The following ABCA5 variants were observed in gnomAD, a reference collection of about 807,000 sequenced individuals.
ABCA5 encodes the protein ATP binding cassette subfamily A member 5, also known as cholesterol transporter ABCA5.
A neutral mutation model predicts 206.0 loss-of-function variants in ABCA5; 163 were observed. That is an observed-to-expected ratio of 0.79 (90% CI 0.70 to 0.90). The LOEUF (loss-of-function observed/expected upper bound fraction) is 0.90, where lower values mean the gene tolerates loss of function less well. Ranked by LOEUF, ABCA5 falls within the 40% of genes least tolerant of loss-of-function variation. The pLI is 0.00. For synonymous variants in ABCA5, 609 were observed against 613.8 expected, an observed-to-expected ratio of 0.99 and a Z score of 0.11; for missense variants, 1,859 against 1,912.9, an observed-to-expected ratio of 0.97 and a Z score of 0.53.
At chr17:69,309,445 T>A in intron 3 of ABCA5, 22 bp from the exon 4 acceptor site, 1 of 1,464,774 alleles carries the variant, frequency 6.8e-7, no homozygotes, top group Non-Finnish European at 9.2e-7. Context: ...CATAACAATA[T>A]AGTTAGCTCA....
intron 1 of ABCA5, among the ~76,000 whole-genome samples, chr17:69,322,206 C>T (rs777312292): frequency 7.8e-4 from 118 of 151,754 alleles, no homozygotes; most frequent in Non-Finnish European, 1.4e-3. Context: ...CCTGTCTCTA[C>T]TAAAAATACA....
In ABCA5 at chr17:69,256,251, AG is replaced by A; in HGVS notation, c.3763del (p.Leu1255PhefsTer19). On this transcript the variant is annotated frameshift_variant, in exon 29 of 39. Transcript: ENST00000392676. LOFTEE classifies it high-confidence loss of function. ...NLSTKSKNRK[L>X]PEPPDNEDED... ...ATCCTCATTGTCTGGTGGTTCTGGA[AG>A]CTTCCTATTTTTAGACTTCGTTGAA... The A allele has an allele frequency of 6.2e-7, 1 of 1,606,172 alleles. No individual in the cohort carries two copies. Among genetic ancestry groups the A allele is most frequent in the Non-Finnish European group, 8.5e-7 (1 of 1,175,638 alleles).
Position 69,290,026 on chromosome 17 carries a change from T to C in ABCA5, c.1618A>G (p.Ile540Val). ...ATTTCTGAGACTCTGTGTCCATATA[T>C]AGATGCAAACCCTAAAAGCAAAATA... ...LCPPSDGFAS[I>V]YGHRVSEIDE... Residue 540 changes from isoleucine to valine, a missense_variant, in exon 13 of 39, where the codon ATA becomes GTA. Physicochemically the swap from Ile to Val is conservative, Grantham distance 29 (BLOSUM62 3). Transcript: ENST00000392676. 6.3e-7 allele frequency: 1 copy of C among 1,591,010 alleles called. No homozygotes were observed. The highest frequency in any genetic ancestry group is 2.3e-5 in the East Asian group (1 of 44,314).
chr17:69,298,067 T>A (rs554188814), intron 9 of ABCA5, among the ~76,000 whole-genome samples: 80 of 152,078 alleles, frequency 5.3e-4, no homozygotes, highest in African/African-American at 1.9e-3. Context: ...ATGCCTGTAG[T>A]CCCAGCTACC....
Position 69,322,363 on chromosome 17 carries a change from C to CAAAAAAAAAAA in ABCA5, c.-16+4678_-16+4688dup, listed in dbSNP as rs3029978. On this transcript the variant is annotated intron_variant, in intron 1 of 38. Transcript: ENST00000392676. ...CTGGCAACAGAGCAAGATTCCGTCTCAAAAAAAAAAAAAAAAAAAAAAAAG... is the reference window on the plus strand; with the variant it reads ...CTGGCAACAGAGCAAGATTCCGTCTCAAAAAAAAAAAAAAAAAAAAAAAAAAAAAAAAAAAG... Among the ~76,000 whole-genome samples the CAAAAAAAAAAA allele has an allele frequency of 7.6e-5, 4 of 52,388 alleles. 1 individual carries two copies. The highest frequency in any genetic ancestry group is 1.3e-4 in the Non-Finnish European group (4 of 30,754). The allele number at this position is 52,388 out of a possible 152,430, so 34.4% of individuals were successfully genotyped here. A position where few individuals can be genotyped will look rare whatever the true frequency, so the allele number is the denominator to read the frequency against.
At chr17:69,299,913 A>T (rs2075633889) in intron 9 of ABCA5, among the ~76,000 whole-genome samples, 1 of 152,174 alleles carries the variant, frequency 6.6e-6, no homozygotes, top group Admixed American at 6.5e-5. Context: ...TAACTAGATG[A>T]GAGATACTGC....
chr17:69,302,649 G>T, intron 8 of ABCA5, 69 bp downstream of exon 8: 2 of 1,107,578 alleles, frequency 1.8e-6, no homozygotes, highest in Admixed American at 3.0e-5. Flanking sequence ...TAGTATTCAT[G>T]GTAGTATAAG....
At chr17:69,269,568 A>C (rs935188521) in intron 22 of ABCA5, among the ~76,000 whole-genome samples, 3 of 152,208 alleles carry the variant, frequency 2.0e-5, no homozygotes, top group Admixed American at 2.0e-4. Context: ...AGAAATAAAA[A>C]CATATGCTCA....
chr17:69,263,352 T>C (rs1007141998), intron 24 of ABCA5, among the ~76,000 whole-genome samples: 3 of 152,218 alleles, frequency 2.0e-5, no homozygotes, highest in African/African-American at 7.2e-5. Context: ...GTAGAATTCT[T>C]ATAGTTGATG....
intron 8 of ABCA5, among the ~76,000 whole-genome samples, chr17:69,302,014 C>T (rs180913009): frequency 3.9e-5 from 6 of 152,244 alleles, no homozygotes; most frequent in Admixed American, 3.9e-4. Context: ...CAATCATTCT[C>T]AGGTCTCAAA....
chr17:69,277,244 T>C (rs1403635088), intron 19 of ABCA5, among the ~76,000 whole-genome samples: 1 of 152,072 alleles, frequency 6.6e-6, no homozygotes, highest in Non-Finnish European at 1.5e-5. Context: ...AACTAACTAA[T>C]AGACGCAAAA....
intron 23 of ABCA5, among the ~76,000 whole-genome samples, chr17:69,267,457 T>G (rs745745996): frequency 1.3e-5 from 2 of 152,190 alleles, no homozygotes; most frequent in Non-Finnish European, 2.9e-5. Flanking sequence ...ACTTAGCAAT[T>G]TCTCCAAGGC....
At chr17:69,299,681 G>A (rs1307458105) in intron 9 of ABCA5, among the ~76,000 whole-genome samples, 1 of 151,876 alleles carries the variant, frequency 6.6e-6, no homozygotes, top group East Asian at 1.9e-4. Flanking sequence ...CGATACAATG[G>A]ATTATGGGGG....
At chr17:69,283,007 A>T (rs1426805976) in intron 18 of ABCA5, among the ~76,000 whole-genome samples, 1 of 140,120 alleles carries the variant, frequency 7.1e-6, no homozygotes, top group Non-Finnish European at 1.5e-5. Context: ...TTTTTTTTTA[A>T]ACAGGGTCTC....
At chr17:69,294,516 C>T in intron 11 of ABCA5, 139 bp downstream of exon 11, 1 of 768,862 alleles carries the variant, frequency 1.3e-6, no homozygotes, top group Non-Finnish European at 2.0e-6. Context: ...AGCGAGACTC[C>T]ATCTCAAAAA....
chr17:69,320,344 G>C (rs527596112), intron 1 of ABCA5, among the ~76,000 whole-genome samples: 1 of 152,182 alleles, frequency 6.6e-6, no homozygotes, highest in Non-Finnish European at 1.5e-5. Flanking sequence ...AAACCCTACA[G>C]AATGAATTGC....
intron 18 of ABCA5, among the ~76,000 whole-genome samples, chr17:69,279,519 T>C (rs1242296447): frequency 1.3e-5 from 2 of 151,094 alleles, no homozygotes; most frequent in African/African-American, 4.9e-5. Context: ...CTTCACAGAA[T>C]TGGAAAAAAC....
At chr17:69,298,261 AAGGAAGGAAGGAAGGAAGGAAGGG>A (rs1488006605) in intron 9 of ABCA5, among the ~76,000 whole-genome samples, 7 of 133,232 alleles carry the variant, frequency 5.3e-5, no homozygotes, top group African/African-American at 1.7e-4. Flanking sequence ...GGAAGGAAGG[AAGGAAGGAAGGAAGGAAGGAAGGG>A]AGGGAGGGGA....
In ABCA5 at chr17:69,294,688, T is replaced by C; in HGVS notation, c.1462A>G (p.Arg488Gly). 1.2e-6 allele frequency: 2 copies of C among 1,607,490 alleles called. No individual in the cohort carries two copies. Among genetic ancestry groups the C allele is most frequent in the Non-Finnish European group, 1.7e-6 (2 of 1,175,530 alleles). The change falls in exon 11 of 39, where the codon AGA (arginine) becomes GGA (glycine). Residue 488 changes from arginine to glycine, a missense_variant. Arg to Gly is a moderately radical substitution (Grantham distance 125). Coordinates refer to ENST00000392676, the MANE Select transcript of ABCA5 (RefSeq NM_172232.4). ...GCCTCCACATTTTCACCCTTCTTTC[T>C]GTATGTCTTCTGAATACCACTAATT... is the stretch of plus-strand genomic sequence containing the variant. ...IRISGIQKTY[R>G]KKGENVEALR... is the part of the protein sequence containing the mutation.
Sources: allele counts gnomAD v4.1 joint callset (sites outside exome capture counted in the v4.1 genomes callset), GRCh38; gene constraint gnomAD v4.1.1; transcripts MANE v1.5; gene names NCBI Gene and HGNC (gene_info 2026-07-23, HGNC 2026-07-21).